The following BCAS3 variants were observed in gnomAD, a reference collection of about 807,000 sequenced individuals.
BCAS3 encodes BCAS4/BCAS3 fusion.
In BCAS3, 53 loss-of-function variants were observed where a neutral mutation model predicts 116.1. The observed-to-expected ratio is 0.46, with a 90% confidence interval of 0.37 to 0.57. The LOEUF is 0.57. BCAS3 is among the 20% of genes least tolerant of loss of function. The probability of loss-of-function intolerance (pLI) is 0.00; values close to 1 mark genes in which losing one functional copy is unlikely to be tolerated. For missense variants in BCAS3, 917 were observed against 1,165.4 expected (o/e 0.79, Z 3.10); for synonymous variants, 391 against 408.2 (o/e 0.96, Z 0.51).
chr17:61,252,521 G>A (rs1364380230), intron 22 of BCAS3, among the ~76,000 whole-genome samples: 3 of 151,666 alleles, frequency 2.0e-5, no homozygotes, highest in Non-Finnish European at 4.4e-5. Context: ...AGAGGGGCCG[G>A]AGGCAGGCAT....
At chr17:60,900,409 C>T (rs775532590) in intron 10 of BCAS3, among the ~76,000 whole-genome samples, 3 of 152,024 alleles carry the variant, frequency 2.0e-5, no homozygotes, top group South Asian at 4.2e-4. Flanking sequence ...GGATGTGGGC[C>T]GCTGGAATTC....
intron 14 of BCAS3, among the ~76,000 whole-genome samples, chr17:60,988,350 T>C (rs867164710): frequency 2.1e-5 from 3 of 144,360 alleles, no homozygotes; most frequent in African/African-American, 7.8e-5. Context: ...TTTTTTTTTT[T>C]TTTTTTTTTT....
chr17:61,031,059 T>C (rs1186412309), intron 16 of BCAS3, among the ~76,000 whole-genome samples: 2 of 152,046 alleles, frequency 1.3e-5, no homozygotes, highest in East Asian at 3.9e-4. Context: ...TAATAAATGA[T>C]TAAATAAATG....
Position 61,213,499 on chromosome 17 carries a change from G to T in BCAS3, c.2425+128935G>T, listed in dbSNP as rs1161112376. Among the ~76,000 whole-genome samples, 1 of 151,972 alleles carries T rather than the reference G, an allele frequency of 6.6e-6. No individual in the cohort carries two copies. The highest frequency in any genetic ancestry group is 1.9e-4 in the East Asian group (1 of 5,196). ...TATATTTTTATATGAAAAAAGTAAG[G>T]CATGAAAAGAGTCTTATTATTTGTT... On this transcript the variant is annotated intron_variant, in intron 22 of 23. Coordinates refer to ENST00000407086, the MANE Select transcript of BCAS3 (RefSeq NM_017679.5). This position sits in a 1 kb window ranked among gnomAD's most constrained non-coding sequence, Gnocchi z 5.4.
chr17:61,368,070 G>C lies in BCAS3; in HGVS notation c.2426-257G>C. On this transcript the variant is annotated intron_variant, in intron 22 of 23. Transcript: ENST00000407086. The surrounding 1 kb of genome is among the most constrained non-coding windows in gnomAD (Gnocchi z 6.0). The stretch of plus-strand genomic sequence containing the variant: ...TTCTTAAGGTGGTCCCTGAAGACCA[G>C]GGGAACCCTGTAGCTCCTCAGAAAC... 2.8e-6 allele frequency: 1 copy of C among 352,594 alleles called. No individual in the cohort carries two copies. The highest frequency in any genetic ancestry group is 4.2e-5 in the East Asian group (1 of 23,652). The allele number at this position is 352,594 out of a possible 1,614,324, so 21.8% of individuals were successfully genotyped here. A position where few individuals can be genotyped will look rare whatever the true frequency, so the allele number is the denominator to read the frequency against.
At position 61,343,934 on chromosome 17, in the gene BCAS3, G is replaced by A. The variant is rs1350016927; in HGVS notation, c.2426-24393G>A. Among the ~76,000 whole-genome samples the A allele has an allele frequency of 1.3e-5, 2 of 152,144 alleles. No individual in the cohort carries two copies. The highest frequency in any genetic ancestry group is 1.3e-4 in the Admixed American group (2 of 15,276). On this transcript the variant is annotated intron_variant, in intron 22 of 23. Transcript: ENST00000407086. This position sits in a 1 kb window ranked among gnomAD's most constrained non-coding sequence, Gnocchi z 5.5. ...TTCCACACAGTCCAGTGCTTTGTTA[G>A]GTACCTGCATCCCAGCAGGACTGGG...
At chr17:61,179,839 A>T (rs966101212) in intron 22 of BCAS3, among the ~76,000 whole-genome samples, 16 of 148,642 alleles carry the variant, frequency 1.1e-4, no homozygotes, top group Middle Eastern at 3.6e-3. Flanking sequence ...CTAGAAAACT[A>T]CTGGTAAAAT....
intron 22 of BCAS3, among the ~76,000 whole-genome samples, chr17:61,257,892 A>G (rs1269132438): frequency 6.6e-6 from 1 of 151,988 alleles, no homozygotes; most frequent in East Asian, 1.9e-4. Context: ...TTCCCTTCCC[A>G]TTTTCACTCT....
intron 7 of BCAS3, among the ~76,000 whole-genome samples, chr17:60,863,342 T>A (rs1411871877): frequency 6.6e-6 from 1 of 152,176 alleles, no homozygotes; most frequent in African/African-American, 2.4e-5. Context: ...TTTGTATACA[T>A]CCATATCTCA....
rs1388106547 is a variant in BCAS3, at chr17:61,180,418, T to C, written c.2425+95854T>C. On this transcript the variant is annotated intron_variant, in intron 22 of 23. Transcript: ENST00000407086. The surrounding 1 kb of genome is among the most constrained non-coding windows in gnomAD (Gnocchi z 6.0). ...ACTCTAAGCCAATGTACTGTTAAAC[T>C]GGGAGCCACTGGGTAGAAATAATTT... is the stretch of plus-strand genomic sequence containing the variant. Among the ~76,000 whole-genome samples, 1 of 152,220 alleles carries C rather than the reference T, an allele frequency of 6.6e-6. No homozygotes were observed. The highest frequency in any genetic ancestry group is 2.1e-4 in the South Asian group (1 of 4,834).
intron 22 of BCAS3, among the ~76,000 whole-genome samples, chr17:61,296,571 C>T (rs2052931982): frequency 2.0e-5 from 3 of 152,206 alleles, no homozygotes; most frequent in Middle Eastern, 3.4e-3. Context: ...CTTTCCTGTC[C>T]CTCTTGCAGT....
intron 4 of BCAS3, among the ~76,000 whole-genome samples, chr17:60,701,805 CA>C (rs71370178): frequency 3.8e-3 from 292 of 77,030 alleles, no homozygotes; most frequent in East Asian, 9.9e-3. Flanking sequence ...ACTAAAAATA[CA>C]AAAAAAAAAA....
chr17:60,892,630 G>A (rs542712812), intron 10 of BCAS3, among the ~76,000 whole-genome samples: 1 of 147,972 alleles, frequency 6.8e-6, no homozygotes. Context: ...TTTAAGAATA[G>A]CCGTTTTCGG....
At position 61,251,093 on chromosome 17, in the gene BCAS3, C is replaced by T. The variant is rs1486686083; in HGVS notation, c.2426-117234C>T. On this transcript the variant is annotated intron_variant, in intron 22 of 23. Transcript: ENST00000407086. This position sits in a 1 kb window ranked among gnomAD's most constrained non-coding sequence, Gnocchi z 4.7. ...AACCCTTCATTCAGAAAGGTCATTT[C>T]ATTTCCTGTGAGCCAGTCTTACATC... is the stretch of plus-strand genomic sequence containing the variant. Among the ~76,000 whole-genome samples, 1 of 152,200 alleles carries T rather than the reference C, an allele frequency of 6.6e-6. No homozygotes were observed. Among genetic ancestry groups the T allele is most frequent in the Non-Finnish European group, 1.5e-5 (1 of 68,026 alleles).
rs1601978100 is a variant in BCAS3, at chr17:61,220,115, G to A, written c.2425+135551G>A. 6.6e-6 allele frequency among the ~76,000 whole-genome samples: 1 copy of A among 152,200 alleles called. No individual in the cohort carries two copies. Among genetic ancestry groups the A allele is most frequent in the East Asian group, 1.9e-4 (1 of 5,164 alleles). On this transcript the variant is annotated intron_variant, in intron 22 of 23. Coordinates refer to ENST00000407086, the MANE Select transcript of BCAS3 (RefSeq NM_017679.5). The surrounding 1 kb of genome is among the most constrained non-coding windows in gnomAD (Gnocchi z 4.5). Reference sequence around the variant, plus strand: ...TTGAGACCAGCCTGGCCAATACAGTGAAATCACGTCTCTACTAATAATACA... The same window carrying A: ...TTGAGACCAGCCTGGCCAATACAGTAAAATCACGTCTCTACTAATAATACA...
intron 2 of BCAS3, among the ~76,000 whole-genome samples, chr17:60,679,769 G>C (rs531892957): frequency 6.6e-6 from 1 of 152,286 alleles, no homozygotes; most frequent in East Asian, 1.9e-4. Context: ...ATCCTGAAGA[G>C]CAGTGTTTTC....
intron 23 of BCAS3, among the ~76,000 whole-genome samples, chr17:61,382,521 C>G (rs2059655176): frequency 6.6e-6 from 1 of 151,702 alleles, no homozygotes; most frequent in Non-Finnish European, 1.5e-5. Flanking sequence ...CTTGGCCTCC[C>G]AAAGTGTTGA....
chr17:61,220,910 C>G lies in BCAS3; in HGVS notation c.2425+136346C>G, dbSNP rs921876376. Among the ~76,000 whole-genome samples the G allele has an allele frequency of 6.6e-6, 1 of 152,094 alleles. No individual in the cohort carries two copies. The highest frequency in any genetic ancestry group is 1.5e-5 in the Non-Finnish European group (1 of 68,012). On this transcript the variant is annotated intron_variant, in intron 22 of 23. Transcript: ENST00000407086. The surrounding 1 kb of genome is among the most constrained non-coding windows in gnomAD (Gnocchi z 4.5). Reference sequence around the variant, plus strand: ...GGTCAGGAGATCGAGACCATCCTGGCCAACACGGTGAAACCCCATCTCTAC... The same window carrying G: ...GGTCAGGAGATCGAGACCATCCTGGGCAACACGGTGAAACCCCATCTCTAC...
chr17:61,305,984 A>G (rs1364704142), intron 22 of BCAS3, among the ~76,000 whole-genome samples: 1 of 152,208 alleles, frequency 6.6e-6, no homozygotes, highest in Non-Finnish European at 1.5e-5. Flanking sequence ...AACAAGAGAT[A>G]ATCCTGTGTG....
Sources: allele counts gnomAD v4.1 joint callset (sites outside exome capture counted in the v4.1 genomes callset), GRCh38; gene constraint gnomAD v4.1.1; non-coding constraint Gnocchi (gnomAD v3.1); transcripts MANE v1.5; gene names NCBI Gene and HGNC (gene_info 2026-07-23, HGNC 2026-07-21).